The following AHCTF1 variants were observed in gnomAD, a reference collection of about 807,000 sequenced individuals.
The protein encoded by AHCTF1 is protein ELYS.
AHCTF1 carries 24 observed loss-of-function variants against 248.4 expected under a neutral mutation model. That is an observed-to-expected ratio of 0.10 (90% CI 0.07 to 0.14). The LOEUF is 0.14. Ranked by LOEUF, AHCTF1 falls within the 10% of genes least tolerant of loss-of-function variation. The probability of loss-of-function intolerance (pLI) is 1.00; values close to 1 mark genes in which losing one functional copy is unlikely to be tolerated. For synonymous variants in AHCTF1, 786 were observed against 929.8 expected (o/e 0.85, Z 2.81); for missense variants, 2,206 against 2,636.2 (o/e 0.84, Z 3.57).
intron 33 of AHCTF1, among the ~76,000 whole-genome samples, chr1:246,845,486 A>G (rs986738448): frequency 1.3e-5 from 2 of 152,234 alleles, no homozygotes; most frequent in East Asian, 3.8e-4. Flanking sequence ...TGGCTTCAAG[A>G]AACAGATGAA....
chr1:246,854,095 C>T (rs1345395155), intron 31 of AHCTF1, among the ~76,000 whole-genome samples: 2 of 151,992 alleles, frequency 1.3e-5, no homozygotes, highest in African/African-American at 2.4e-5. Flanking sequence ...GTCAGGAGAT[C>T]GAGACCACCC....
At chr1:246,925,857 C>A (rs2103254093) in intron 1 of AHCTF1, among the ~76,000 whole-genome samples, 1 of 151,952 alleles carries the variant, frequency 6.6e-6, no homozygotes, top group Admixed American at 6.6e-5. Flanking sequence ...ACTGACTGAG[C>A]CCAGGAATTT....
chr1:246,846,816 G>GT (rs1660301251), intron 33 of AHCTF1, among the ~76,000 whole-genome samples: 1 of 152,012 alleles, frequency 6.6e-6, no homozygotes, highest in African/African-American at 2.4e-5. Context: ...GCACAGTGGT[G>GT]TGATGGCTCA....
chr1:246,872,498 C>T (rs140385845), intron 24 of AHCTF1, among the ~76,000 whole-genome samples: 175 of 152,308 alleles, frequency 1.1e-3, no homozygotes, highest in African/African-American at 3.9e-3. Context: ...TCCAACCAAT[C>T]CAGAGTGACA....
At chr1:246,878,396 C>CAAAAAAAAAA (rs1199465751) in intron 21 of AHCTF1, among the ~76,000 whole-genome samples, 6 of 30,784 alleles carry the variant, frequency 1.9e-4, no homozygotes, top group Non-Finnish European at 2.9e-4. Context: ...GATTCTGTCT[C>CAAAAAAAAAA]AAAAAAAAAA....
At chr1:246,918,943 T>G (rs1329303568) in intron 1 of AHCTF1, among the ~76,000 whole-genome samples, 1 of 152,114 alleles carries the variant, frequency 6.6e-6, no homozygotes, top group Non-Finnish European at 1.5e-5. Flanking sequence ...GGGGAGAAAG[T>G]CCAAGAAAAA....
At chr1:246,882,198 C>T (rs967310434) in intron 21 of AHCTF1, among the ~76,000 whole-genome samples, 8 of 150,834 alleles carry the variant, frequency 5.3e-5, no homozygotes, top group African/African-American at 1.9e-4. Context: ...GGGGTTTCAC[C>T]GTGTTAGCCA....
chr1:246,928,035 C>T (rs1046907040), intron 1 of AHCTF1, among the ~76,000 whole-genome samples: 2 of 151,742 alleles, frequency 1.3e-5, no homozygotes, highest in African/African-American at 2.4e-5. Context: ...AAATACTGTT[C>T]GGCCGGGTGC....
At chr1:246,903,820 A>C in intron 7 of AHCTF1, 129 bp downstream of exon 7, 1 of 725,916 alleles carries the variant, frequency 1.4e-6, no homozygotes, top group African/African-American at 1.9e-5. Flanking sequence ...CCTGGGCGAC[A>C]GAGCGAGACT....
intron 26 of AHCTF1, chr1:246,865,163 C>CG (rs1211566702): frequency 2.0e-5 from 3 of 152,142 alleles, no homozygotes; most frequent in Non-Finnish European, 4.4e-5. Flanking sequence ...ACTCTCTTCT[C>CG]GATTTCCTAA....
Position 246,885,533 on chromosome 1 carries a change from T to G in AHCTF1, c.2620A>C (p.Asn874His). Residue 874 changes from asparagine to histidine, a missense_variant, in exon 21 of 36, where the codon AAC becomes CAC. Asn to His is a moderately conservative substitution (Grantham distance 68). Around this residue, in one of 6 missense-constraint regions of AHCTF1, gnomAD observed 650 missense variants for 870.8 expected, o/e 0.75. Coordinates refer to ENST00000648844, the MANE Select transcript of AHCTF1 (RefSeq NM_001323342.2). Reference sequence around the variant, plus strand: ...ACAGTGAGGTGAAGGATAACATCGTTACCACTGGACACTGTTGGCTTCATT... The same window carrying G: ...ACAGTGAGGTGAAGGATAACATCGTGACCACTGGACACTGTTGGCTTCATT... ...QTMKPTVSSG[N>H]DVILHLTVLL... 6.2e-7 allele frequency: 1 copy of G among 1,607,216 alleles called. No individual in the cohort carries two copies.
At chr1:246,899,126 T>C (rs921343442) in intron 11 of AHCTF1, among the ~76,000 whole-genome samples, 11 of 152,166 alleles carry the variant, frequency 7.2e-5, no homozygotes. Flanking sequence ...TCTTTTTTTT[T>C]TTCCTGTGCC....
At chr1:246,846,635 A>T (rs1454262503) in intron 33 of AHCTF1, among the ~76,000 whole-genome samples, 1 of 152,114 alleles carries the variant, frequency 6.6e-6, no homozygotes, top group Non-Finnish European at 1.5e-5. Flanking sequence ...AATACCCAAC[A>T]GAAGAGGGTT....
chr1:246,920,429 T>A (rs1666458185), intron 1 of AHCTF1, among the ~76,000 whole-genome samples: 1 of 151,978 alleles, frequency 6.6e-6, no homozygotes. Flanking sequence ...AATGGAGCAA[T>A]GAGAGTGAAT....
At chr1:246,896,084 C>T (rs574900740) in intron 12 of AHCTF1, among the ~76,000 whole-genome samples, 159 bp from the exon 13 acceptor site, 2 of 152,246 alleles carry the variant, frequency 1.3e-5, no homozygotes, top group South Asian at 4.1e-4. Flanking sequence ...ATGGTAAGGA[C>T]GTGTTAAAAC....
chr1:246,883,707 C>T (rs1392857032), intron 21 of AHCTF1, among the ~76,000 whole-genome samples: 1 of 152,166 alleles, frequency 6.6e-6, no homozygotes, highest in Non-Finnish European at 1.5e-5. Flanking sequence ...AGCTATCTCA[C>T]AAATAGCATT....
At chr1:246,906,593 G>C (rs573253633) in intron 5 of AHCTF1, among the ~76,000 whole-genome samples, 1 of 151,034 alleles carries the variant, frequency 6.6e-6, no homozygotes, top group Admixed American at 6.6e-5. Flanking sequence ...CAAAAAAATA[G>C]AAAAAAAAGA....
At chr1:246,900,014 A>C (rs1664881481) in intron 10 of AHCTF1, 51 bp downstream of exon 10, 1 of 1,504,100 alleles carries the variant, frequency 6.6e-7, no homozygotes, top group Non-Finnish European at 9.1e-7. Context: ...ATACATTTAC[A>C]TACTTTTGTG....
chr1:246,894,240 G>A (rs868259774), intron 14 of AHCTF1, among the ~76,000 whole-genome samples: 9 of 152,242 alleles, frequency 5.9e-5, no homozygotes, highest in Non-Finnish European at 1.3e-4. Context: ...AATGTAAAAA[G>A]AAATAATTTT....
Sources: allele counts gnomAD v4.1 joint callset (sites outside exome capture counted in the v4.1 genomes callset), GRCh38; gene constraint gnomAD v4.1.1; regional missense constraint gnomAD v4.1.1; transcripts MANE v1.5; gene names NCBI Gene and HGNC (gene_info 2026-07-23, HGNC 2026-07-21).